ATP13A5: variants seen among roughly 807,000 people sequenced by gnomAD.
ATP13A5 encodes the protein probable cation-transporting ATPase 13A5.
A neutral mutation model predicts 150.2 loss-of-function variants in ATP13A5; 149 were observed. The observed-to-expected ratio is 0.99, with a 90% CI of 0.87 to 1.14. The LOEUF (loss-of-function observed/expected upper bound fraction) is 1.14, where lower values mean the gene tolerates loss of function less well. Among genes scored for constraint, ATP13A5 ranks in the 50% most tolerant of loss-of-function variants. The pLI is 0.00. For missense variants in ATP13A5, 1,383 were observed against 1,449.3 expected (o/e 0.95, Z 0.74); for synonymous variants, 497 against 522.2 (o/e 0.95, Z 0.66).
At chr3:193,310,812 T>C (rs1718816427) in intron 20 of ATP13A5, 95 bp from the exon 21 acceptor site, 2 of 833,220 alleles carry the variant, frequency 2.4e-6, no homozygotes, top group East Asian at 2.6e-5. Context: ...TGGTTACTAA[T>C]TTAATACAGC....
chr3:193,284,445 A>C (rs960806329), intron 27 of ATP13A5, among the ~76,000 whole-genome samples: 6 of 152,180 alleles, frequency 3.9e-5, no homozygotes, highest in Non-Finnish European at 5.9e-5. Flanking sequence ...GACCCTTTAC[A>C]TAAATTGTGC....
intron 26 of ATP13A5, among the ~76,000 whole-genome samples, chr3:193,285,334 A>C (rs1413394114): frequency 6.6e-6 from 1 of 152,220 alleles, no homozygotes; most frequent in African/African-American, 2.4e-5. Flanking sequence ...AGAACAAGTG[A>C]TCTACCTTGA....
Position 193,363,373 on chromosome 3 carries a change from G to C in ATP13A5, c.247C>G (p.Gln83Glu). The change falls in exon 3 of 30, where the codon CAA becomes GAA. Residue 83 changes from glutamine (Q) to glutamate (E), a missense_variant. Physicochemically the swap from Gln to Glu is conservative, Grantham distance 29. Around this residue, in one of 3 missense-constraint regions of ATP13A5, gnomAD observed 787 missense variants for 771.9 expected, o/e 1.02. Coordinates refer to ENST00000342358, the MANE Select transcript of ATP13A5 (RefSeq NM_198505.4). ...AATACCTTCTTCCTCATATATCTTT[G>C]AAATTCGTCCTGGAAAAGACAATCC... ...TVLLRTTDEF[Q>E]RYMRKKVFCL... 2 of 1,610,588 alleles carry C rather than the reference G, an allele frequency of 1.2e-6. No individual in the cohort carries two copies. Among genetic ancestry groups the C allele is most frequent in the Non-Finnish European group, 1.7e-6 (2 of 1,178,424 alleles).
At chr3:193,320,571 T>C (rs990448127) in intron 16 of ATP13A5, among the ~76,000 whole-genome samples, 4 of 152,090 alleles carry the variant, frequency 2.6e-5, no homozygotes, top group African/African-American at 9.7e-5. Flanking sequence ...ACAGTATATG[T>C]TGTAATCAGT....
chr3:193,344,056 C>T lies in ATP13A5; in HGVS notation c.815-1G>A, dbSNP rs751974727. On this transcript the variant is annotated splice_acceptor_variant, in intron 8 of 29. Transcript: ENST00000342358. LOFTEE classifies it high-confidence loss of function. ...AGACGGGATTCCAGCTCCTCCAAAC[C>T]TACACCAAAGCAAAGTTTCCATGAA... is the stretch of plus-strand genomic sequence containing the variant. 2 of 1,611,718 alleles carry T rather than the reference C, an allele frequency of 1.2e-6. No homozygotes were observed. The highest frequency in any genetic ancestry group is 1.7e-5 in the Admixed American group (1 of 59,590).
rs545100551 is a variant in ATP13A5, at chr3:193,296,101, G to A, written c.2848+3030C>T. Among the ~76,000 whole-genome samples the A allele has an allele frequency of 1.7e-4, 26 of 152,220 alleles. No individual in the cohort carries two copies. In the South Asian group the frequency reaches 5.2e-3, roughly 30 times the overall value. ...AGCCAGGCTAGAGCTAGCTATCCTG[G>A]AAGGAGTTTATGAATGTGGCAGCCT... On this transcript the variant is annotated intron_variant, in intron 25 of 29. Coordinates refer to ENST00000342358, the MANE Select transcript of ATP13A5 (RefSeq NM_198505.4).
At chr3:193,320,586 G>A (rs915003603) in intron 16 of ATP13A5, among the ~76,000 whole-genome samples, 2 of 152,112 alleles carry the variant, frequency 1.3e-5, no homozygotes, top group African/African-American at 4.8e-5. Context: ...ATCAGTGAAG[G>A]ACAGAGTTAA....
chr3:193,333,704 CTT>C, intron 11 of ATP13A5, 44 bp downstream of exon 11: 2 of 1,568,740 alleles, frequency 1.3e-6, no homozygotes, highest in Non-Finnish European at 1.7e-6. Flanking sequence ...AGGTCAAGCT[CTT>C]TGCAGAATCT....
intron 5 of ATP13A5, among the ~76,000 whole-genome samples, chr3:193,354,940 C>CTTTTTTTTTTCTTTTTTTTTTTT (rs545467259): frequency 7.8e-6 from 1 of 127,916 alleles, no homozygotes. Flanking sequence ...AACAATGTAA[C>CTTTTTTTTTTCTTTTTTTTTTTT]TTTTTTTTTG....
chr3:193,374,677 AT>A (rs1484937920), intron 1 of ATP13A5, among the ~76,000 whole-genome samples: 2 of 151,998 alleles, frequency 1.3e-5, no homozygotes, highest in African/African-American at 4.8e-5. Flanking sequence ...ACACACACGC[AT>A]ACATAGTGCT....
intron 8 of ATP13A5, 134 bp from the exon 9 acceptor site, chr3:193,344,189 A>T: frequency 1.7e-6 from 2 of 1,157,042 alleles, no homozygotes; most frequent in Non-Finnish European, 2.4e-6. Flanking sequence ...GCCCCTTTTT[A>T]GTCAATTGAA....
chr3:193,358,016 G>C (rs1017772837), intron 5 of ATP13A5, among the ~76,000 whole-genome samples: 2 of 152,082 alleles, frequency 1.3e-5, no homozygotes, highest in Non-Finnish European at 2.9e-5. Flanking sequence ...ATAATGTGTC[G>C]TGTGGTAGCC....
chr3:193,285,697 A>G lies in ATP13A5; in HGVS notation c.3024-581T>C, dbSNP rs191010663. Among the ~76,000 whole-genome samples, 48 of 152,130 alleles carry G rather than the reference A, an allele frequency of 3.2e-4. 1 individual carries two copies. The highest frequency in any genetic ancestry group is 1.3e-3 in the Admixed American group (20 of 15,268). Reference sequence around the variant, plus strand: ...CTCCCATGCTCTATACACTCCAAACATATAGGATTATTCCCTGTTCCCCAC... The same window carrying G: ...CTCCCATGCTCTATACACTCCAAACGTATAGGATTATTCCCTGTTCCCCAC... On this transcript the variant is annotated intron_variant, in intron 26 of 29. Transcript: ENST00000342358.
intron 9 of ATP13A5, 152 bp from the exon 10 acceptor site, chr3:193,335,251 G>A: frequency 1.5e-6 from 1 of 650,562 alleles, no homozygotes; most frequent in South Asian, 2.2e-5. Flanking sequence ...AGATGCTGGT[G>A]GTACAAGCAA....
At chr3:193,317,338 G>A (rs1240313298) in intron 17 of ATP13A5, among the ~76,000 whole-genome samples, 1 of 152,018 alleles carries the variant, frequency 6.6e-6, no homozygotes, top group African/African-American at 2.4e-5. Flanking sequence ...ACCACTAGTG[G>A]GATAATATTT....
In ATP13A5 at chr3:193,275,148, T is replaced by G. The variant is rs937735317; in HGVS notation, c.3551A>C (p.Asn1184Thr). 2.7e-5 allele frequency: 43 copies of G among 1,614,206 alleles called. No homozygotes were observed. The highest frequency in any genetic ancestry group is 3.5e-5 in the Non-Finnish European group (41 of 1,180,030). The stretch of plus-strand genomic sequence containing the variant: ...ATAGCCTCCGTTGATGTAGAATCCA[T>G]TTTTGCCATCACCTGAATAATCTGT... ...NRTDYSGDGK[N>T]GFYINGGYES... Residue 1184 changes from asparagine (N) to threonine (T), a missense_variant, in exon 30 of 30, where the codon AAT becomes ACT. Coordinates refer to ENST00000342358, the MANE Select transcript of ATP13A5 (RefSeq NM_198505.4).
intron 23 of ATP13A5, among the ~76,000 whole-genome samples, chr3:193,302,893 A>G (rs916150384): frequency 6.6e-6 from 1 of 152,196 alleles, no homozygotes; most frequent in African/African-American, 2.4e-5. Context: ...AGTCTATGAA[A>G]TATAAAAGCA....
chr3:193,372,312 A>AAAAGT (rs57458521), intron 1 of ATP13A5: 3 of 73,166 alleles, frequency 4.1e-5, no homozygotes, highest in Non-Finnish European at 7.3e-5. Flanking sequence ...AAAAAAAAAA[A>AAAAGT]GGGGGAAGTT....
chr3:193,372,654 C>T (rs1356658056), intron 1 of ATP13A5, among the ~76,000 whole-genome samples: 5 of 152,184 alleles, frequency 3.3e-5, no homozygotes, highest in African/African-American at 1.2e-4. Context: ...TTTTTTATAG[C>T]TACATCACAT....
Sources: allele counts gnomAD v4.1 joint callset (sites outside exome capture counted in the v4.1 genomes callset), GRCh38; gene constraint gnomAD v4.1.1; regional missense constraint gnomAD v4.1.1; transcripts MANE v1.5; gene names NCBI Gene and HGNC (gene_info 2026-07-23, HGNC 2026-07-21).